The following UBAC2 variants were observed in gnomAD, a reference collection of about 807,000 sequenced individuals.
The protein encoded by UBAC2 is UBA domain containing 2, also known as ubiquitin-associated domain-containing protein 2.
In UBAC2, 26 loss-of-function variants were observed where a neutral mutation model predicts 44.0. The observed-to-expected ratio is 0.59, with a 90% CI of 0.43 to 0.82. The LOEUF (loss-of-function observed/expected upper bound fraction) is 0.82. Among genes scored for constraint, UBAC2 ranks in the 40% least tolerant of loss-of-function variants. UBAC2 has a pLI of 0.00. For synonymous variants in UBAC2, 155 were observed against 154.3 expected (o/e 1.00, Z -0.04); for missense variants, 329 against 419.4 (o/e 0.78, Z 1.88).
chr13:99,334,668 A>G (rs1370512648), intron 6 of UBAC2, among the ~76,000 whole-genome samples: 1 of 152,226 alleles, frequency 6.6e-6, no homozygotes, highest in African/African-American at 2.4e-5. Context: ...GCTGAAAAAA[A>G]CCAAAATACT....
intron 1 of UBAC2, among the ~76,000 whole-genome samples, chr13:99,213,118 AT>A (rs1384395821): frequency 3.3e-5 from 5 of 151,980 alleles, no homozygotes; most frequent in Non-Finnish European, 7.4e-5. Flanking sequence ...ATACCTATAC[AT>A]TTGATTTTAT....
At chr13:99,321,458 G>A (rs576494149) in intron 6 of UBAC2, among the ~76,000 whole-genome samples, 2 of 152,202 alleles carry the variant, frequency 1.3e-5, no homozygotes, top group South Asian at 2.1e-4. Context: ...GCAGGTGCAC[G>A]CCACCAAGCC....
rs540604195 is a variant in UBAC2 at position 99,238,488 on chromosome 13, C to T, written c.93C>T (p.Ala31=). The T allele has an allele frequency of 9.9e-5, 160 of 1,613,960 alleles. No homozygotes were observed. In the Admixed American group the frequency reaches 2.6e-3, roughly 26 times the overall value. ...CCAGTGCCCTCTCCCTCCTGCTCGC[C>T]CTCCTCCTGCCTCACTGCCAGAAGC... The part of the protein sequence containing the change: ...LVPSALSLLL[A]LLLPHCQKLF... Residue 31 remains alanine, a synonymous_variant, in exon 2 of 9, where the codon GCC becomes GCT. Coordinates refer to ENST00000403766, the MANE Select transcript of UBAC2 (RefSeq NM_001144072.2).
intron 6 of UBAC2, among the ~76,000 whole-genome samples, chr13:99,333,774 G>A (rs4511390): frequency 0.56 from 84,592 of 151,982 alleles, 25,840 homozygotes; most frequent in Non-Finnish European, 0.71. Flanking sequence ...GATTGTCATT[G>A]TGGGGGCAGG....
chr13:99,326,419 G>A (rs1011587701), intron 6 of UBAC2, among the ~76,000 whole-genome samples: 3 of 152,084 alleles, frequency 2.0e-5, no homozygotes, highest in African/African-American at 7.2e-5. Flanking sequence ...TTGTAGGAGA[G>A]TCCTTTTAGT....
chr13:99,255,918 G>T (rs1157916361), intron 4 of UBAC2: 35 of 1,459,138 alleles, frequency 2.4e-5, no homozygotes, highest in Non-Finnish European at 3.1e-5. Context: ...TGTAAAAATA[G>T]TTAAGAAAAA....
At chr13:99,329,778 G>C (rs576448359) in intron 6 of UBAC2, among the ~76,000 whole-genome samples, 3 of 152,184 alleles carry the variant, frequency 2.0e-5, no homozygotes, top group Non-Finnish European at 4.4e-5. Context: ...GTGCAGATAG[G>C]CTGACACCTT....
intron 6 of UBAC2, among the ~76,000 whole-genome samples, chr13:99,327,569 G>C (rs1193582089): frequency 1.3e-5 from 2 of 151,982 alleles, no homozygotes. Flanking sequence ...CTTGATGATA[G>C]CCTCTGGGAA....
At chr13:99,344,767 G>A (rs1391597738) in intron 7 of UBAC2, among the ~76,000 whole-genome samples, 2 of 152,184 alleles carry the variant, frequency 1.3e-5, no homozygotes, top group Non-Finnish European at 1.5e-5. Flanking sequence ...CCCCTGCCAC[G>A]TGCTCCTCGT....
chr13:99,274,822 A>G (rs761969684), intron 4 of UBAC2, among the ~76,000 whole-genome samples: 17 of 150,370 alleles, frequency 1.1e-4, no homozygotes, highest in Non-Finnish European at 1.8e-4. Flanking sequence ...GCCTCAGGTG[A>G]TCCTCCCACC....
intron 4 of UBAC2, among the ~76,000 whole-genome samples, chr13:99,260,499 AAGG>A (rs2043644250): frequency 6.6e-6 from 1 of 152,162 alleles, no homozygotes. Flanking sequence ...AGACTTAGGC[AAGG>A]GCCTGAGGTC....
intron 4 of UBAC2, among the ~76,000 whole-genome samples, chr13:99,266,379 G>GA (rs989769275): frequency 6.6e-6 from 1 of 151,936 alleles, no homozygotes. Context: ...AAAAATCATG[G>GA]AAAAAACTCA....
intron 1 of UBAC2, chr13:99,215,332 T>G (rs952806634): frequency 2.4e-6 from 2 of 831,940 alleles, no homozygotes; most frequent in African/African-American, 3.3e-5. Flanking sequence ...AGCTGTTCTT[T>G]TATTTAGAGT....
rs183631758 is a variant in UBAC2 at position 99,263,757 on chromosome 13, A to G, written c.389+19133A>G. Among the ~76,000 whole-genome samples the G allele has an allele frequency of 3.1e-3, 466 of 152,346 alleles. 1 individual carries two copies. Among genetic ancestry groups the G allele is most frequent in the African/African-American group, 0.011 (445 of 41,584 alleles). On this transcript the variant is annotated intron_variant, in intron 4 of 8. Coordinates refer to ENST00000403766, the MANE Select transcript of UBAC2 (RefSeq NM_001144072.2). ...AACCTGAATGTTCAACTATAGCATG[A>G]ATAAGTCACTTGTGGTGTAGGCATA...
intron 7 of UBAC2, among the ~76,000 whole-genome samples, chr13:99,346,795 T>A (rs1359599286): frequency 2.0e-5 from 3 of 152,202 alleles, no homozygotes; most frequent in African/African-American, 7.2e-5. Flanking sequence ...TGTTCACTGG[T>A]GATTTACTGC....
rs1229561492 is a variant in UBAC2, at chr13:99,201,059, G to A, written c.31+120G>A. The stretch of plus-strand genomic sequence containing the variant: ...CGGAGGTGGTGGGGCCGACCCTCCA[G>A]ACCCGCGTCCGAACCCTGCTAGTTC... On this transcript the variant is annotated intron_variant, in intron 1 of 8. Coordinates refer to ENST00000403766, the MANE Select transcript of UBAC2 (RefSeq NM_001144072.2). The A allele has an allele frequency of 3.8e-6, 5 of 1,328,048 alleles. No homozygotes were observed. In the Admixed American group the frequency reaches 1.8e-4, roughly 47 times the overall value. 82.3% of individuals were successfully genotyped at this position (1,328,048 alleles called of 1,614,324 possible).
chr13:99,304,368 T>C (rs9557195), intron 4 of UBAC2, among the ~76,000 whole-genome samples: 25,012 of 152,134 alleles, frequency 0.16, 2,357 homozygotes, highest in Middle Eastern at 0.23. Context: ...TGAAAGGCAG[T>C]GTGGGTGTAT....
intron 8 of UBAC2, among the ~76,000 whole-genome samples, chr13:99,378,706 G>A (rs1692941169): frequency 6.6e-6 from 1 of 152,224 alleles, no homozygotes; most frequent in African/African-American, 2.4e-5. Context: ...CAGGCCAGAG[G>A]TTGTGTCAGG....
chr13:99,346,134 G>A (rs1445386805), intron 7 of UBAC2, among the ~76,000 whole-genome samples: 1 of 152,112 alleles, frequency 6.6e-6, no homozygotes, highest in African/African-American at 2.4e-5. Flanking sequence ...CAAACCTAGG[G>A]TTTCACCCCA....
Sources: allele counts gnomAD v4.1 joint callset (sites outside exome capture counted in the v4.1 genomes callset), GRCh38; gene constraint gnomAD v4.1.1; transcripts MANE v1.5; gene names NCBI Gene and HGNC (gene_info 2026-07-23, HGNC 2026-07-21).